Variants in CTNND2 observed in about 807,000 individuals in gnomAD.
The protein encoded by CTNND2 is catenin delta 2, also known as catenin delta-2.
CTNND2 carries 22 observed loss-of-function variants against 144.4 expected under a neutral mutation model. The ratio of observed to expected loss-of-function variants is 0.15; its 90% CI spans 0.11 to 0.22. The LOEUF (loss-of-function observed/expected upper bound fraction) is 0.22. CTNND2 is among the 10% of genes least tolerant of loss of function. CTNND2 has a pLI of 1.00. For missense variants in CTNND2, 1,353 were observed against 1,618.8 expected (o/e 0.84, Z 2.82); for synonymous variants, 751 against 695.6 (o/e 1.08, Z -1.25).
chr5:11,755,758 G>C (rs1581830962), intron 1 of CTNND2, among the ~76,000 whole-genome samples: 1 of 149,818 alleles, frequency 6.7e-6, no homozygotes, highest in South Asian at 2.1e-4. Flanking sequence ...TGAAATTCTT[G>C]AAGTGAGCTT....
intron 18 of CTNND2, among the ~76,000 whole-genome samples, chr5:10,997,003 C>G (rs372605247): frequency 6.6e-6 from 1 of 151,872 alleles, no homozygotes. Context: ...AGCCTTTGAT[C>G]GAGGGGTCCA....
At chr5:11,783,233 C>G (rs1454646788) in intron 1 of CTNND2, among the ~76,000 whole-genome samples, 2 of 152,228 alleles carry the variant, frequency 1.3e-5, no homozygotes, top group East Asian at 3.9e-4. Flanking sequence ...GGTTTTTCTC[C>G]ATTGCATAGA....
At chr5:11,339,467 G>C (rs1010420111) in intron 9 of CTNND2, among the ~76,000 whole-genome samples, 1 of 152,202 alleles carries the variant, frequency 6.6e-6, no homozygotes, top group African/African-American at 2.4e-5. Flanking sequence ...TGAATTTGAA[G>C]GGAAATGGTC....
At position 11,398,408 on chromosome 5, in the gene CTNND2, T is replaced by C. The variant is rs1053739164; in HGVS notation, c.440-1205A>G. ...TTTTAAATAACATTGGTTCACAAAT[T>C]CTTTGGCACTTAAAGCCTTCCCAAT... On this transcript the variant is annotated intron_variant, in intron 5 of 21. Coordinates refer to ENST00000304623, the MANE Select transcript of CTNND2 (RefSeq NM_001332.4). Among the ~76,000 whole-genome samples, 4 of 152,210 alleles carry C rather than the reference T, an allele frequency of 2.6e-5. No individual in the cohort carries two copies. The East Asian group carries it at 5.8e-4, about 22-fold the overall frequency.
At chr5:11,856,794 A>G (rs1795273472) in intron 1 of CTNND2, among the ~76,000 whole-genome samples, 2 of 152,212 alleles carry the variant, frequency 1.3e-5, no homozygotes, top group Admixed American at 1.3e-4. Context: ...TAAAATATGT[A>G]CTTGGACCAG....
Position 11,082,822 on chromosome 5 carries a change from C to T in CTNND2, c.2662G>A (p.Val888Ile). ...WKWSVYIRAA[V>I]RKEKGLPILV... ...ATGGGCAGGCCTTTCTCTTTTCGGA[C>T]AGCGGCTCGGATATATACTGACCAC... Residue 888 changes from valine (V) to isoleucine (I), a missense_variant, in exon 16 of 22, where the codon GTC becomes ATC. Physicochemically the swap from Val to Ile is conservative, Grantham distance 29. This residue lies in a region of CTNND2 where 459 missense variants were observed against 674.3 expected (regional missense o/e 0.68). Transcript: ENST00000304623. The T allele has an allele frequency of 6.2e-7, 1 of 1,614,192 alleles. No individual in the cohort carries two copies. Among genetic ancestry groups the T allele is most frequent in the Non-Finnish European group, 8.5e-7 (1 of 1,180,038 alleles).
intron 1 of CTNND2, among the ~76,000 whole-genome samples, chr5:11,858,444 T>C (rs1025621222): frequency 6.6e-6 from 1 of 152,186 alleles, no homozygotes; most frequent in Admixed American, 6.5e-5. Flanking sequence ...GCTGCAAATG[T>C]AAGGTTATAA....
chr5:11,881,257 G>A (rs1054178883), intron 1 of CTNND2, among the ~76,000 whole-genome samples: 28 of 151,822 alleles, frequency 1.8e-4, no homozygotes, highest in Non-Finnish European at 1.6e-4. Flanking sequence ...AGAGTAACTG[G>A]CATGTCCATC....
intron 10 of CTNND2, among the ~76,000 whole-genome samples, chr5:11,225,578 T>C (rs1366366523): frequency 6.6e-6 from 1 of 152,180 alleles, no homozygotes; most frequent in Admixed American, 6.5e-5. Flanking sequence ...TCTTAAGATG[T>C]ATTTCTTTCC....
intron 12 of CTNND2, among the ~76,000 whole-genome samples, chr5:11,124,496 A>C (rs921430296): frequency 2.0e-5 from 3 of 152,144 alleles, no homozygotes; most frequent in African/African-American, 7.2e-5. Context: ...TTTTAAAGAG[A>C]TCTTCTATCC....
intron 16 of CTNND2, among the ~76,000 whole-genome samples, chr5:11,037,686 T>G (rs1282860065): frequency 6.6e-6 from 1 of 152,240 alleles, no homozygotes; most frequent in Non-Finnish European, 1.5e-5. Flanking sequence ...CTATTTCCTC[T>G]GTCTCCAGTG....
chr5:11,453,532 C>T (rs1013671618), intron 3 of CTNND2, among the ~76,000 whole-genome samples: 1 of 152,112 alleles, frequency 6.6e-6, no homozygotes, highest in African/African-American at 2.4e-5. Context: ...GAGGTTTCAG[C>T]CGAAATATCA....
chr5:11,533,169 T>C (rs1773909162), intron 3 of CTNND2, among the ~76,000 whole-genome samples: 1 of 152,216 alleles, frequency 6.6e-6, no homozygotes, highest in Non-Finnish European at 1.5e-5. Flanking sequence ...AGGTCAGCCA[T>C]CTTTTCAAAA....
At chr5:10,976,703 C>A (rs142951641) in intron 21 of CTNND2, among the ~76,000 whole-genome samples, 29 of 152,298 alleles carry the variant, frequency 1.9e-4, no homozygotes, top group African/African-American at 7.0e-4. Flanking sequence ...GTCATGACAC[C>A]TTCCAACTCT....
At chr5:11,463,045 A>C (rs1403579399) in intron 3 of CTNND2, among the ~76,000 whole-genome samples, 1 of 152,222 alleles carries the variant, frequency 6.6e-6, no homozygotes, top group Non-Finnish European at 1.5e-5. Context: ...AAGATTAATC[A>C]CACAAGTCCA....
chr5:11,446,368 G>A (rs1764799219), intron 3 of CTNND2, among the ~76,000 whole-genome samples: 1 of 152,184 alleles, frequency 6.6e-6, no homozygotes, highest in Non-Finnish European at 1.5e-5. Context: ...GTTCATGGGA[G>A]GGTCGGGATC....
intron 16 of CTNND2, among the ~76,000 whole-genome samples, chr5:11,048,128 A>G (rs1745468201): frequency 6.6e-6 from 1 of 152,110 alleles, no homozygotes; most frequent in Non-Finnish European, 1.5e-5. Flanking sequence ...CAGGCTCTTT[A>G]TCACCTGAGC....
intron 7 of CTNND2, among the ~76,000 whole-genome samples, chr5:11,379,120 G>C (rs978245298): frequency 6.6e-6 from 1 of 152,118 alleles, no homozygotes; most frequent in East Asian, 1.9e-4. Flanking sequence ...TACAAATCCC[G>C]AAAGTGAAAG....
rs1738038028 is a variant in CTNND2, at chr5:11,903,054, C to T, written c.37+763G>A. ...CAATCGAAGAAAACACACTACACAC[C>T]AGAATAAGATGAGGGTCGGGAAAAA... On this transcript the variant is annotated intron_variant, in intron 1 of 21. Coordinates refer to ENST00000304623, the MANE Select transcript of CTNND2 (RefSeq NM_001332.4). The surrounding 1 kb of genome is among the most constrained non-coding windows in gnomAD (Gnocchi z 5.4). The T allele has an allele frequency of 5.5e-5, 18 of 330,038 alleles. No individual in the cohort carries two copies. Among genetic ancestry groups the T allele is most frequent in the Non-Finnish European group, 7.8e-5 (18 of 230,912 alleles). 20.4% of individuals were successfully genotyped at this position (330,038 alleles called of 1,614,324 possible).
Sources: gnomAD v4.1 joint callset for allele counts (sites outside exome capture counted in the v4.1 genomes callset) on GRCh38, gnomAD v4.1.1 for gene constraint, gnomAD v4.1.1 regional missense constraint, Gnocchi (gnomAD v3.1) non-coding constraint, MANE v1.5 for transcripts, NCBI Gene and HGNC (gene_info 2026-07-23, HGNC 2026-07-21) for gene names.